SGMS1: variants seen among roughly 807,000 people sequenced by gnomAD.
The protein encoded by SGMS1 is sphingomyelin synthase 1.
In SGMS1, 13 loss-of-function variants were observed where a neutral mutation model predicts 46.2. The ratio of observed to expected loss-of-function variants is 0.28; its 90% CI spans 0.18 to 0.45. The LOEUF is 0.45. Among genes scored for constraint, SGMS1 ranks in the 20% least tolerant of loss-of-function variants. SGMS1 has a pLI of 1.00. For missense variants in SGMS1, 324 were observed against 519.9 expected (o/e 0.62, Z 3.66); for synonymous variants, 203 against 187.8 (o/e 1.08, Z -0.66).
chr10:50,459,003 T>C (rs1837231272), intron 5 of SGMS1, among the ~76,000 whole-genome samples: 1 of 152,228 alleles, frequency 6.6e-6, no homozygotes, highest in Non-Finnish European at 1.5e-5. Flanking sequence ...AGATGTTCTA[T>C]ATTTTAAAGA....
intron 2 of SGMS1, among the ~76,000 whole-genome samples, chr10:50,540,177 A>C (rs1030921989): frequency 6.6e-6 from 1 of 152,268 alleles, no homozygotes; most frequent in Non-Finnish European, 1.5e-5. Context: ...GGACCTAAAC[A>C]TCCAGAAGGT....
chr10:50,317,126 T>C (rs994214958), intron 8 of SGMS1, among the ~76,000 whole-genome samples: 7 of 152,184 alleles, frequency 4.6e-5, no homozygotes, highest in African/African-American at 7.2e-5. Flanking sequence ...AGCAGAATTA[T>C]TGTAAGTTAT....
At chr10:50,553,066 C>G (rs1838161750) in intron 2 of SGMS1, among the ~76,000 whole-genome samples, 1 of 152,214 alleles carries the variant, frequency 6.6e-6, no homozygotes, top group Non-Finnish European at 1.5e-5. Context: ...ACAGCAGCTA[C>G]AGAAATGAAA....
intron 2 of SGMS1, among the ~76,000 whole-genome samples, chr10:50,587,321 G>A (rs1189519920): frequency 6.6e-6 from 1 of 152,142 alleles, no homozygotes; most frequent in African/African-American, 2.4e-5. Context: ...GAAATATGAG[G>A]TATGCTGTGA....
At chr10:50,562,374 ACACT>A (rs1191380825) in intron 2 of SGMS1, among the ~76,000 whole-genome samples, 19 of 149,484 alleles carry the variant, frequency 1.3e-4, no homozygotes, top group African/African-American at 2.0e-4. Flanking sequence ...GCACACACAC[ACACT>A]CACACACGGG....
At chr10:50,407,649 TC>T (rs1357559271) in intron 6 of SGMS1, among the ~76,000 whole-genome samples, 5 of 152,100 alleles carry the variant, frequency 3.3e-5, no homozygotes, top group African/African-American at 1.2e-4. Flanking sequence ...GGCTTTTTTT[TC>T]CCCCTGCTAA....
At chr10:50,497,024 G>C (rs1270223234) in intron 3 of SGMS1, among the ~76,000 whole-genome samples, 5 of 152,272 alleles carry the variant, frequency 3.3e-5, no homozygotes, top group Non-Finnish European at 2.9e-5. Context: ...TTAAAAGGGG[G>C]ATATGGTAAA....
At chr10:50,492,092 A>G (rs560420919) in intron 3 of SGMS1, among the ~76,000 whole-genome samples, 3 of 152,372 alleles carry the variant, frequency 2.0e-5, no homozygotes, top group African/African-American at 7.2e-5. Flanking sequence ...ATAGACGCAG[A>G]AAAGGGTTTT....
intron 1 of SGMS1, among the ~76,000 whole-genome samples, chr10:50,622,559 G>A (rs1261263333): frequency 6.6e-6 from 1 of 152,214 alleles, no homozygotes; most frequent in Non-Finnish European, 1.5e-5. Flanking sequence ...TAAATGTCAA[G>A]GGAGCTAAAA....
intron 3 of SGMS1, among the ~76,000 whole-genome samples, chr10:50,506,865 T>C (rs1837711321): frequency 6.6e-6 from 1 of 152,216 alleles, no homozygotes; most frequent in African/African-American, 2.4e-5. Flanking sequence ...CTCACTTAAC[T>C]GAACCCAGTC....
At chr10:50,313,515 C>G (rs930867804) in intron 8 of SGMS1, among the ~76,000 whole-genome samples, 1 of 152,058 alleles carries the variant, frequency 6.6e-6, no homozygotes, top group Admixed American at 6.5e-5. Flanking sequence ...TGTGTAGAAC[C>G]ATTTTAGTTT....
intron 3 of SGMS1, among the ~76,000 whole-genome samples, 179 bp from the exon 4 acceptor site, chr10:50,467,111 C>T (rs187624085): frequency 6.6e-6 from 1 of 152,024 alleles, no homozygotes; most frequent in East Asian, 1.9e-4. Context: ...TCAGAGTACA[C>T]TTCTATTAGA....
chr10:50,396,435 A>G (rs1484032156), intron 6 of SGMS1, among the ~76,000 whole-genome samples: 3 of 152,162 alleles, frequency 2.0e-5, no homozygotes, highest in African/African-American at 7.2e-5. Flanking sequence ...CCAGTTCAAG[A>G]GTATACAAAA....
chr10:50,485,480 T>TTTG (rs1260260775), intron 3 of SGMS1, among the ~76,000 whole-genome samples: 2 of 152,212 alleles, frequency 1.3e-5, no homozygotes, highest in African/African-American at 4.8e-5. Context: ...CCCAAAGTAA[T>TTTG]TTACAGATTC....
chr10:50,505,163 C>T (rs1295127806), intron 3 of SGMS1, among the ~76,000 whole-genome samples: 2 of 152,156 alleles, frequency 1.3e-5, no homozygotes, highest in Non-Finnish European at 2.9e-5. Flanking sequence ...CTGAAGTGTG[C>T]TATGATTGTG....
chr10:50,542,581 A>T (rs2133820417), intron 2 of SGMS1, among the ~76,000 whole-genome samples: 1 of 151,792 alleles, frequency 6.6e-6, no homozygotes, highest in East Asian at 1.9e-4. Flanking sequence ...AGCAAAAAGC[A>T]AACTACCATA....
intron 6 of SGMS1, among the ~76,000 whole-genome samples, chr10:50,408,443 A>AAT: frequency 6.7e-6 from 1 of 148,686 alleles, no homozygotes; most frequent in Non-Finnish European, 1.5e-5. Flanking sequence ...AAAAAAAAAA[A>AAT]AAAAAAAAAA....
intron 2 of SGMS1, among the ~76,000 whole-genome samples, chr10:50,529,051 T>C (rs1326289020): frequency 1.3e-5 from 2 of 152,148 alleles, no homozygotes; most frequent in Non-Finnish European, 2.9e-5. Flanking sequence ...AGCTGGAACA[T>C]GGGGAAAACA....
intron 5 of SGMS1, among the ~76,000 whole-genome samples, chr10:50,453,300 A>G (rs1008656404): frequency 6.6e-6 from 1 of 152,114 alleles, no homozygotes; most frequent in African/African-American, 2.4e-5. Flanking sequence ...AATGGTATTT[A>G]AAAATTAAAA....
Sources: allele counts gnomAD v4.1 joint callset (sites outside exome capture counted in the v4.1 genomes callset), GRCh38; gene constraint gnomAD v4.1.1; transcripts MANE v1.5; gene names NCBI Gene and HGNC (gene_info 2026-07-23, HGNC 2026-07-21).